The following UNC13C variants were observed in gnomAD, a reference collection of about 807,000 sequenced individuals.
The protein encoded by UNC13C is protein unc-13 homolog C.
In UNC13C, 174 loss-of-function variants were observed where a neutral mutation model predicts 245.4. That is an observed-to-expected ratio of 0.71 (90% CI 0.63 to 0.80). The LOEUF (loss-of-function observed/expected upper bound fraction) is 0.80, where lower values mean the gene tolerates loss of function less well. Ranked by LOEUF, UNC13C falls within the 30% of genes least tolerant of loss-of-function variation. The pLI is 0.00. For synonymous variants in UNC13C, 992 were observed against 895.1 expected, an observed-to-expected ratio of 1.11 and a Z score of -1.93; for missense variants, 2,829 against 2,602.9, an observed-to-expected ratio of 1.09 and a Z score of -1.89.
rs773345768 is a variant in UNC13C, at chr15:54,014,281, C to T, written c.1378C>T (p.Leu460Phe). The T allele has an allele frequency of 3.7e-6, 6 of 1,613,846 alleles. No individual in the cohort carries two copies. Among genetic ancestry groups the T allele is most frequent in the Non-Finnish European group, 5.1e-6 (6 of 1,179,834 alleles). Residue 460 changes from leucine to phenylalanine, a missense_variant, in exon 2 of 33, where the codon CTC becomes TTC. By Grantham distance (22) the Leu-to-Phe change is conservative. Transcript: ENST00000260323. The stretch of plus-strand genomic sequence containing the variant: ...CAGTGATGAAGATCTTGAATCTGAC[C>T]TCAATAGAAACAGTTACGCTGTGCT... The part of the protein sequence containing the change: ...DDSDEDLESD[L>F]NRNSYAVLSK...
chr15:54,296,782 C>T (rs2037447454), intron 11 of UNC13C, among the ~76,000 whole-genome samples: 1 of 152,178 alleles, frequency 6.6e-6, no homozygotes, highest in South Asian at 2.1e-4. Context: ...TTACCTAAAT[C>T]CTATTTTCAT....
At chr15:54,143,587 T>C (rs759064642) in intron 3 of UNC13C, 33 bp from the exon 4 acceptor site, 3 of 1,589,768 alleles carry the variant, frequency 1.9e-6, no homozygotes, top group East Asian at 4.5e-5. Flanking sequence ...TAAAAGCCTG[T>C]TTGTTTTGTT....
At chr15:54,551,002 A>G (rs1344792961) in intron 28 of UNC13C, among the ~76,000 whole-genome samples, 1 of 152,174 alleles carries the variant, frequency 6.6e-6, no homozygotes, top group Non-Finnish European at 1.5e-5. Flanking sequence ...TGAGTGTTCT[A>G]TCAGCTAGAA....
intron 4 of UNC13C, among the ~76,000 whole-genome samples, chr15:54,199,433 T>A (rs1172148893): frequency 6.6e-6 from 1 of 152,072 alleles, no homozygotes; most frequent in African/African-American, 2.4e-5. Context: ...TCTTAAGAGT[T>A]GTGACGTAAA....
chr15:53,851,141 A>G, the UNC13C span, among the ~76,000 whole-genome samples: 1 of 151,852 alleles, frequency 6.6e-6, no homozygotes, highest in Admixed American at 6.6e-5. Flanking sequence ...GTTATTTATA[A>G]CTTTGATCAT....
intron 19 of UNC13C, among the ~76,000 whole-genome samples, chr15:54,443,028 G>A (rs1427859771): frequency 2.0e-5 from 3 of 152,196 alleles, no homozygotes; most frequent in East Asian, 3.9e-4. Flanking sequence ...AAATTTGAGA[G>A]TGAAGTCATC....
intron 19 of UNC13C, among the ~76,000 whole-genome samples, chr15:54,484,933 G>T (rs1327418720): frequency 6.6e-6 from 1 of 152,130 alleles, no homozygotes; most frequent in East Asian, 1.9e-4. Flanking sequence ...TGTAATAAAA[G>T]TTATAAGATT....
At chr15:54,426,602 T>C (rs1215605355) in intron 19 of UNC13C, among the ~76,000 whole-genome samples, 1 of 151,696 alleles carries the variant, frequency 6.6e-6, no homozygotes, top group African/African-American at 2.4e-5. Context: ...GTCAAGTCTA[T>C]GTTTAAGGGA....
At chr15:53,908,834 T>C in the UNC13C span, among the ~76,000 whole-genome samples, 1 of 145,422 alleles carries the variant, frequency 6.9e-6, no homozygotes, top group Non-Finnish European at 1.5e-5. Flanking sequence ...TACTTAATTA[T>C]ATTTAGCATT....
chr15:54,061,990 G>A (rs1897860656), intron 2 of UNC13C, among the ~76,000 whole-genome samples: 1 of 152,054 alleles, frequency 6.6e-6, no homozygotes, highest in African/African-American at 2.4e-5. Context: ...GCCAAGATGG[G>A]GAGTGACTCA....
chr15:54,429,183 C>T (rs1392379124), intron 19 of UNC13C, among the ~76,000 whole-genome samples: 1 of 151,774 alleles, frequency 6.6e-6, no homozygotes, highest in African/African-American at 2.4e-5. Context: ...CACTCTCTGT[C>T]TTTCCCTCTC....
intron 10 of UNC13C, among the ~76,000 whole-genome samples, chr15:54,273,564 A>T (rs1442036388): frequency 1.3e-5 from 2 of 152,160 alleles, no homozygotes. Flanking sequence ...GCACCATACA[A>T]GTCCTGGGTT....
the UNC13C span, among the ~76,000 whole-genome samples, chr15:53,916,376 G>A: frequency 6.6e-6 from 1 of 152,160 alleles, no homozygotes; most frequent in African/African-American, 2.4e-5. Context: ...TACTGTAGCT[G>A]CATATTCACT....
At chr15:53,845,071 A>AGC in the UNC13C span, among the ~76,000 whole-genome samples, 1 of 152,158 alleles carries the variant, frequency 6.6e-6, no homozygotes, top group East Asian at 1.9e-4. Context: ...CACGTCTGAA[A>AGC]TCCCAGCACT....
intron 19 of UNC13C, among the ~76,000 whole-genome samples, chr15:54,416,242 A>G (rs1424933482): frequency 6.6e-6 from 1 of 152,186 alleles, no homozygotes; most frequent in African/African-American, 2.4e-5. Flanking sequence ...ACAATATGGA[A>G]AATAGGTTGC....
At chr15:54,297,050 C>A (rs751342344) in intron 11 of UNC13C, among the ~76,000 whole-genome samples, 2 of 152,194 alleles carry the variant, frequency 1.3e-5, no homozygotes, top group Non-Finnish European at 2.9e-5. Context: ...ACAATGAAAA[C>A]TATTAACATT....
At chr15:54,265,676 C>T (rs2036534344) in intron 10 of UNC13C, among the ~76,000 whole-genome samples, 180 bp downstream of exon 10, 1 of 151,776 alleles carries the variant, frequency 6.6e-6, no homozygotes, top group Non-Finnish European at 1.5e-5. Context: ...ATTATTTATC[C>T]TTCATCTTTG....
chr15:53,939,470 C>T, the UNC13C span, among the ~76,000 whole-genome samples: 1 of 152,148 alleles, frequency 6.6e-6, no homozygotes, highest in Admixed American at 6.6e-5. Flanking sequence ...CAAGGCACTC[C>T]TCCCTAACTC....
At chr15:54,451,369 T>C (rs571737702) in intron 19 of UNC13C, among the ~76,000 whole-genome samples, 1 of 151,950 alleles carries the variant, frequency 6.6e-6, no homozygotes, top group Non-Finnish European at 1.5e-5. Context: ...GTTAAATAGG[T>C]TTTTTTTATT....
Sources: allele counts gnomAD v4.1 joint callset (sites outside exome capture counted in the v4.1 genomes callset), GRCh38; gene constraint gnomAD v4.1.1; transcripts MANE v1.5; gene names NCBI Gene and HGNC (gene_info 2026-07-23, HGNC 2026-07-21).